RSPH14: variants seen among roughly 807,000 people sequenced by gnomAD.
RSPH14 encodes rhabdoid tumor deletion region gene 1.
A neutral mutation model predicts 26.7 loss-of-function variants in RSPH14; 20 were observed. The observed-to-expected ratio is 0.75, with a 90% CI of 0.53 to 1.09. The LOEUF is 1.09. Ranked by LOEUF, RSPH14 falls within the 50% of genes least tolerant of loss-of-function variation. The pLI, the probability that RSPH14 is intolerant of heterozygous loss-of-function variation, is 0.00. For missense variants in RSPH14, 449 were observed against 457.2 expected, an observed-to-expected ratio of 0.98 and a Z score of 0.16; for synonymous variants, 177 against 189.3, an observed-to-expected ratio of 0.93 and a Z score of 0.53.
At chr22:23,097,146 C>T (rs1036666715) in intron 4 of RSPH14, among the ~76,000 whole-genome samples, 4 of 152,140 alleles carry the variant, frequency 2.6e-5, no homozygotes, top group Non-Finnish European at 5.9e-5. Flanking sequence ...TCAAGTCTGC[C>T]CTTAAGAGAG....
upstream of RSPH14, among the ~76,000 whole-genome samples, chr22:23,147,099 C>T (rs151169391): frequency 3.9e-5 from 6 of 152,284 alleles, no homozygotes; most frequent in African/African-American, 1.2e-4. Context: ...TTCTCATCAT[C>T]GTTGTTGTTA....
chr22:23,096,231 G>A, intron 4 of RSPH14: 1 of 1,613,874 alleles, frequency 6.2e-7, no homozygotes, highest in Non-Finnish European at 8.5e-7. Flanking sequence ...CTGCGCTCCC[G>A]GGACATGACC....
chr22:23,180,057 G>C, the RSPH14 span: 1 of 350,140 alleles, frequency 2.9e-6, no homozygotes, highest in Admixed American at 3.8e-5. Context: ...TAGGGGCAGA[G>C]GGGGGAGGTT....
chr22:23,077,373 C>T (rs749357778), intron 4 of RSPH14, among the ~76,000 whole-genome samples: 5 of 152,172 alleles, frequency 3.3e-5, no homozygotes, highest in South Asian at 2.1e-4. Context: ...CCCCATGCTT[C>T]GTTCATGGCA....
chr22:23,106,899 T>C (rs1289770356), intron 4 of RSPH14, among the ~76,000 whole-genome samples: 3 of 152,174 alleles, frequency 2.0e-5, no homozygotes, highest in African/African-American at 7.2e-5. Flanking sequence ...CAGCCACCCT[T>C]GCCATTACTA....
chr22:23,064,769 A>G (rs1202623140), intron 4 of RSPH14, among the ~76,000 whole-genome samples: 1 of 152,086 alleles, frequency 6.6e-6, no homozygotes, highest in Non-Finnish European at 1.5e-5. Context: ...GGGGCTCCAC[A>G]TGGCACAGCT....
chr22:23,152,574 T>C, the RSPH14 span: 10 of 1,566,388 alleles, frequency 6.4e-6, no homozygotes, highest in Middle Eastern at 6.7e-4. Context: ...AGCACCAGGT[T>C]GTCATACCTT....
At chr22:23,123,184 T>C (rs749371797) in intron 4 of RSPH14, 2 of 1,614,020 alleles carry the variant, frequency 1.2e-6, no homozygotes, top group South Asian at 1.1e-5. Context: ...AAGAAGGACC[T>C]GCTGGCAGAG....
chr22:23,078,547 C>CGCTGGCT (rs1569161790), intron 4 of RSPH14, among the ~76,000 whole-genome samples: 1 of 152,220 alleles, frequency 6.6e-6, no homozygotes, highest in Non-Finnish European at 1.5e-5. Context: ...TGTCTTGCCA[C>CGCTGGCT]GCTGGCTGTT....
chr22:23,121,653 A>C (rs908504111), intron 4 of RSPH14, among the ~76,000 whole-genome samples: 12 of 151,440 alleles, frequency 7.9e-5, no homozygotes, highest in Non-Finnish European at 1.5e-4. Context: ...CTGAGTCATC[A>C]CTACCAGCTG....
At chr22:23,126,140 G>A (rs2046948197) in intron 4 of RSPH14, among the ~76,000 whole-genome samples, 1 of 152,230 alleles carries the variant, frequency 6.6e-6, no homozygotes, top group Admixed American at 6.5e-5. Context: ...TGTGAAAAGA[G>A]CAGTAATTTC....
chr22:23,124,510 T>C (rs967514540), intron 4 of RSPH14: 2 of 354,144 alleles, frequency 5.6e-6, no homozygotes, highest in Non-Finnish European at 1.2e-5. Flanking sequence ...GCTTTGTTTT[T>C]ATTTAAGAAA....
At chr22:23,145,254 G>T (rs553249871), upstream of RSPH14, 3 of 200,906 alleles carry the variant, frequency 1.5e-5, no homozygotes, top group Non-Finnish European at 9.4e-6. Flanking sequence ...CCCGCCCACC[G>T]CCCACCCATC....
intron 4 of RSPH14, among the ~76,000 whole-genome samples, chr22:23,104,726 A>T (rs1051246157): frequency 3.3e-5 from 5 of 151,224 alleles, no homozygotes; most frequent in African/African-American, 1.2e-4. Flanking sequence ...GGGATCTGCC[A>T]CTCAGGGGAG....
intron 4 of RSPH14, among the ~76,000 whole-genome samples, chr22:23,127,930 C>G (rs1230397425): frequency 6.6e-6 from 1 of 152,170 alleles, no homozygotes; most frequent in African/African-American, 2.4e-5. Context: ...CTCCTCCTCT[C>G]GGGCTGGTGC....
chr22:23,160,331 T>C, the RSPH14 span, among the ~76,000 whole-genome samples: 1 of 152,186 alleles, frequency 6.6e-6, no homozygotes, highest in South Asian at 2.1e-4. Flanking sequence ...GACTGCCCTA[T>C]GCGGTTGTGC....
upstream of RSPH14, among the ~76,000 whole-genome samples, chr22:23,148,225 G>C (rs2070911721): frequency 6.6e-6 from 1 of 152,162 alleles, no homozygotes; most frequent in African/African-American, 2.4e-5. Flanking sequence ...TTGTGTCTCA[G>C]ACCTGTGGAC....
At chr22:23,156,130 T>A in the RSPH14 span, 36 of 758,292 alleles carry the variant, frequency 4.7e-5, no homozygotes, top group Non-Finnish European at 6.8e-5. Flanking sequence ...CAGGCACCAG[T>A]TTTTTGTCCT....
the RSPH14 span, chr22:23,159,376 C>T: frequency 2.7e-5 from 25 of 942,330 alleles, no homozygotes; most frequent in Non-Finnish European, 3.9e-5. Flanking sequence ...GGCCCTGGTG[C>T]ACACTGGCAT....
Sources: allele counts gnomAD v4.1 joint callset (sites outside exome capture counted in the v4.1 genomes callset), GRCh38; gene constraint gnomAD v4.1.1; transcripts MANE v1.5; gene names NCBI Gene and HGNC (gene_info 2026-07-23, HGNC 2026-07-21).